Variants in AMZ1 observed in about 807,000 individuals in gnomAD.
AMZ1 encodes archaemetzincin-1.
AMZ1 carries 39 observed loss-of-function variants against 29.9 expected under a neutral mutation model. That is an observed-to-expected ratio of 1.30 (90% CI 1.01 to 1.70). The LOEUF (loss-of-function observed/expected upper bound fraction) is 1.70, where lower values mean the gene tolerates loss of function less well. AMZ1 is among the 40% of genes most tolerant of loss of function. AMZ1 has a pLI of 0.00. For missense variants in AMZ1, 1,041 were observed against 680.6 expected, an observed-to-expected ratio of 1.53 and a Z score of -5.89; for synonymous variants, 458 against 304.0, an observed-to-expected ratio of 1.51 and a Z score of -5.27.
intron 4 of AMZ1, among the ~76,000 whole-genome samples, chr7:2,732,492 G>C (rs1422612124): frequency 6.6e-6 from 1 of 152,178 alleles, no homozygotes; most frequent in Non-Finnish European, 1.5e-5. Flanking sequence ...GCTACAATGA[G>C]TTACGATCGT....
intron 3 of AMZ1, among the ~76,000 whole-genome samples, chr7:2,705,107 GA>G (rs1225345076): frequency 6.6e-6 from 1 of 152,168 alleles, no homozygotes; most frequent in Non-Finnish European, 1.5e-5. Flanking sequence ...CATCTTATTG[GA>G]AAAATTAGTT....
rs762589914 is a variant in AMZ1, at chr7:2,733,641, T to C, written n.550+23825T>C. The C allele has an allele frequency of 1.8e-5, 12 of 662,048 alleles. No homozygotes were observed. In the Admixed American group the frequency reaches 3.1e-4, roughly 17 times the overall value. The allele number at this position is 662,048 out of a possible 1,614,324, so 41.0% of individuals were successfully genotyped here. ...AAGCAAAGGAAAAAGGCAGAGAGTGTCCGTGTGTTTTCTAAAATAAAAAAA... is the reference window on the plus strand; with the variant it reads ...AAGCAAAGGAAAAAGGCAGAGAGTGCCCGTGTGTTTTCTAAAATAAAAAAA... On this transcript the variant is annotated intron_variant and non_coding_transcript_variant, in intron 4 of 4. Coordinates refer to the AMZ1 transcript ENST00000489665.
At chr7:2,692,547 A>G (rs527604018) in intron 1 of AMZ1, among the ~76,000 whole-genome samples, 2 of 152,302 alleles carry the variant, frequency 1.3e-5, no homozygotes, top group East Asian at 1.9e-4. Context: ...ATCTCAAAAA[A>G]TAAAAAATAA....
chr7:2,680,857 C>A (rs972758300), intron 1 of AMZ1, among the ~76,000 whole-genome samples: 2 of 152,250 alleles, frequency 1.3e-5, no homozygotes, highest in African/African-American at 2.4e-5. Context: ...CGGGGCCAGG[C>A]GTGTCTGAGG....
rs1006178488 is a variant in AMZ1 at position 2,728,957 on chromosome 7, A to G, written n.550+19141A>G. On this transcript the variant is annotated intron_variant and non_coding_transcript_variant, in intron 4 of 4. Coordinates refer to the AMZ1 transcript ENST00000489665. ...CGGGGGCCATCCCCCTGCGCTTTCT[A>G]TCGAGTTAAACGGACCCCACAATAT... 4 of 152,372 alleles carry G rather than the reference A, an allele frequency of 2.6e-5. No homozygotes were observed. The East Asian group carries it at 7.5e-4, about 29-fold the overall frequency. The allele number at this position is 152,372 out of a possible 1,614,324, so 9.4% of individuals were successfully genotyped here.
Position 2,709,651 on chromosome 7 carries a change from C to T in AMZ1, c.783C>T (p.His261=), listed in dbSNP as rs202064534. 237 of 1,608,936 alleles carry T rather than the reference C, an allele frequency of 1.5e-4. No individual in the cohort carries two copies. Among genetic ancestry groups the T allele is most frequent in the Middle Eastern group, 4.5e-4 (2 of 4,448 alleles). Reference sequence around the variant, plus strand: ...GGCCTTCCCCCCAGGTCACGTGCCACGAGCTCTGCCACCTTCTGGGCCTGG... The same window carrying T: ...GGCCTTCCCCCCAGGTCACGTGCCATGAGCTCTGCCACCTTCTGGGCCTGG... ...GMVQCCKVTC[H]ELCHLLGLGN... Residue 261 remains histidine, a synonymous_variant, in exon 6 of 7, where the codon CAC becomes CAT. Coordinates refer to ENST00000683327, the MANE Select transcript of AMZ1 (RefSeq NM_001384743.1).
At chr7:2,707,333 C>T (rs1337622630) in intron 3 of AMZ1, among the ~76,000 whole-genome samples, 3 of 151,814 alleles carry the variant, frequency 2.0e-5, no homozygotes, top group African/African-American at 7.3e-5. Context: ...TCAATCTGTT[C>T]CTTTTAATGG....
intron 1 of AMZ1, among the ~76,000 whole-genome samples, chr7:2,682,523 C>G (rs1439796997): frequency 6.6e-6 from 1 of 152,188 alleles, no homozygotes; most frequent in Non-Finnish European, 1.5e-5. Flanking sequence ...GAGGGCTTGA[C>G]TGTACTCTGT....
chr7:2,746,493 A>T (rs1790770019), intron 4 of AMZ1, among the ~76,000 whole-genome samples: 1 of 152,232 alleles, frequency 6.6e-6, no homozygotes, highest in African/African-American at 2.4e-5. Context: ...ACAACATACC[A>T]GAATCTCTGG....
intron 1 of AMZ1, among the ~76,000 whole-genome samples, chr7:2,692,331 G>A (rs1787446146): frequency 2.0e-5 from 3 of 152,108 alleles, no homozygotes. Context: ...ATGAGGTCAG[G>A]AGATCGAGAC....
chr7:2,754,203 C>T (rs1417199682), intron 4 of AMZ1, among the ~76,000 whole-genome samples: 2 of 152,196 alleles, frequency 1.3e-5, no homozygotes, highest in East Asian at 3.8e-4. Context: ...TCTGAGTCTG[C>T]ATCTCCCTTA....
chr7:2,683,682 CCT>C (rs1491156025), upstream of AMZ1, among the ~76,000 whole-genome samples: 1 of 152,106 alleles, frequency 6.6e-6, no homozygotes, highest in Non-Finnish European at 1.5e-5. Context: ...TCGTGATCCG[CCT>C]GCCTTGGCCT....
upstream of AMZ1, chr7:2,763,102 G>A (rs1266460662): frequency 1.1e-4 from 132 of 1,247,310 alleles, no homozygotes; most frequent in Non-Finnish European, 1.3e-4. Flanking sequence ...ACCACAAGCA[G>A]CCTCTGAAGT....
chr7:2,715,848 T>A lies in AMZ1; in HGVS notation c.*2970T>A, dbSNP rs1302896754. On this transcript the variant is annotated 3_prime_UTR_variant, in exon 7 of 7. Transcript: ENST00000683327. ...GCTCACGAATCTTTCTAAACTTAAG[T>A]GCTGCAGAAGTTGAACTGAGATTAA... 3 of 152,210 alleles carry A rather than the reference T, an allele frequency of 2.0e-5. No homozygotes were observed. Among genetic ancestry groups the A allele is most frequent in the Admixed American group, 2.0e-4 (3 of 15,282 alleles). The allele number at this position is 152,210 out of a possible 1,614,324, so 9.4% of individuals were successfully genotyped here.
intron 2 of AMZ1, among the ~76,000 whole-genome samples, chr7:2,701,551 A>G (rs1174311357): frequency 6.6e-6 from 1 of 152,142 alleles, no homozygotes; most frequent in African/African-American, 2.4e-5. Context: ...CGTGCTCAGA[A>G]GGGAACGGCC....
At position 2,714,389 on chromosome 7, in the gene AMZ1, T is replaced by G. The variant is rs1788997610; in HGVS notation, c.*1511T>G. On this transcript the variant is annotated 3_prime_UTR_variant, in exon 7 of 7. Transcript: ENST00000683327. ...GCCGACTGAAGGCTCCCGGTCCTGG[T>G]CCCACTCCGTGTTGACTTCAGAGAA... is the stretch of plus-strand genomic sequence containing the variant. 1 of 152,390 alleles carries G rather than the reference T, an allele frequency of 6.6e-6. No individual in the cohort carries two copies. The highest frequency in any genetic ancestry group is 1.5e-5 in the Non-Finnish European group (1 of 68,052). The allele number at this position is 152,390 out of a possible 1,614,324, so 9.4% of individuals were successfully genotyped here. A position where few individuals can be genotyped will look rare whatever the true frequency, so the allele number is the denominator to read the frequency against.
chr7:2,751,662 G>A (rs559527663), intron 4 of AMZ1, among the ~76,000 whole-genome samples: 11 of 152,322 alleles, frequency 7.2e-5, no homozygotes, highest in African/African-American at 2.4e-4. Flanking sequence ...CAAATCTCCA[G>A]TATCAGGAAT....
chr7:2,685,636 C>T (rs1342634010), upstream of AMZ1, among the ~76,000 whole-genome samples: 6 of 150,724 alleles, frequency 4.0e-5, no homozygotes, highest in South Asian at 4.2e-4. Context: ...AGGCGGATCA[C>T]GAGGTCAGGA....
chr7:2,754,293 T>G (rs1233037487), intron 4 of AMZ1, among the ~76,000 whole-genome samples: 1 of 152,182 alleles, frequency 6.6e-6, no homozygotes, highest in Non-Finnish European at 1.5e-5. Flanking sequence ...TTTGGTGAAA[T>G]CACTTCATAT....
Sources: gnomAD v4.1 joint callset for allele counts (sites outside exome capture counted in the v4.1 genomes callset) on GRCh38, gnomAD v4.1.1 for gene constraint, MANE v1.5 for transcripts, NCBI Gene and HGNC (gene_info 2026-07-23, HGNC 2026-07-21) for gene names.